Variants in DDX60 observed in about 807,000 individuals in gnomAD.
The protein encoded by DDX60 is probable ATP-dependent RNA helicase DDX60.
Under a neutral mutation model 212.8 loss-of-function variants are expected in DDX60, and 165 were observed. The observed-to-expected ratio is 0.78, with a 90% CI of 0.68 to 0.88. DDX60 has a LOEUF of 0.88. DDX60 is among the 40% of genes least tolerant of loss of function. The pLI is 0.00. For synonymous variants in DDX60, 703 were observed against 685.3 expected (o/e 1.03, Z -0.40); for missense variants, 1,905 against 2,003.9 (o/e 0.95, Z 0.94).
At chr4:168,319,995 GTGTT>G (rs1737564454), upstream of DDX60, among the ~76,000 whole-genome samples, 1 of 152,140 alleles carries the variant, frequency 6.6e-6, no homozygotes, top group Admixed American at 6.5e-5. Flanking sequence ...AGAAATTCAC[GTGTT>G]TGTTAGTGAT....
chr4:168,288,594 T>G (rs1432856043), intron 8 of DDX60, among the ~76,000 whole-genome samples: 1 of 152,224 alleles, frequency 6.6e-6, no homozygotes, highest in Non-Finnish European at 1.5e-5. Context: ...TCTCACACTG[T>G]TACCCACAGA....
chr4:168,286,947 C>A, intron 10 of DDX60, 101 bp downstream of exon 10: 1 of 838,472 alleles, frequency 1.2e-6, no homozygotes, highest in South Asian at 2.4e-5. Flanking sequence ...AATTCAAGTG[C>A]CAGAAAATTA....
intron 30 of DDX60, among the ~76,000 whole-genome samples, chr4:168,243,297 A>T (rs1733914510): frequency 6.6e-6 from 1 of 152,260 alleles, no homozygotes; most frequent in South Asian, 2.1e-4. Flanking sequence ...GAGCTTCTGC[A>T]CAGCAAAAGA....
chr4:168,302,429 G>T lies in DDX60; in HGVS notation c.607-13C>A. The T allele has an allele frequency of 8.3e-7, 1 of 1,203,936 alleles. No homozygotes were observed. The highest frequency in any genetic ancestry group is 1.9e-5 in the South Asian group (1 of 51,374). The allele number at this position is 1,203,936 out of a possible 1,614,324, so 74.6% of individuals were successfully genotyped here. A position where few individuals can be genotyped will look rare whatever the true frequency, so the allele number is the denominator to read the frequency against. On this transcript the variant is annotated splice_polypyrimidine_tract_variant and intron_variant, in intron 5 of 37. Coordinates refer to ENST00000393743, the MANE Select transcript of DDX60 (RefSeq NM_017631.6). ...TGTTCTGCTTATTCTGTAAAATAAAGAAAAATCAGAAAAGTTGTTATAAAT... is the reference window on the plus strand; with the variant it reads ...TGTTCTGCTTATTCTGTAAAATAAATAAAAATCAGAAAAGTTGTTATAAAT...
Position 168,262,763 on chromosome 4 carries a change from C to A in DDX60, c.3064G>T (p.Asp1022Tyr). The change falls in exon 23 of 38, where the codon GAT becomes TAT. Residue 1022 changes from aspartate (D) to tyrosine (Y), a missense_variant. Coordinates refer to ENST00000393743, the MANE Select transcript of DDX60 (RefSeq NM_017631.6). ...DHIERYGFPP[D>Y]LTLSPRESIQ... ...CTTTCTCGAGGTGAAAGGGTAAGAT[C>A]AGGAGGGAATCCATACCTTTCAATC... The A allele has an allele frequency of 1.2e-6, 2 of 1,610,708 alleles. No homozygotes were observed. Among genetic ancestry groups the A allele is most frequent in the South Asian group, 1.1e-5 (1 of 90,454 alleles).
chr4:168,298,090 A>G (rs1478787398), intron 6 of DDX60, among the ~76,000 whole-genome samples: 1 of 151,964 alleles, frequency 6.6e-6, no homozygotes, highest in East Asian at 1.9e-4. Context: ...TTCTTTTTAT[A>G]AAAATGGTAC....
In DDX60 at chr4:168,293,866, CA is replaced by C. The variant is rs1381957160; in HGVS notation, c.802del (p.Cys268AlafsTer5). On this transcript the variant is annotated frameshift_variant, in exon 7 of 38. Transcript: ENST00000393743. LOFTEE classifies it high-confidence loss of function. Reference protein sequence around the residue: ...DIRRVFCVTSCSLSLRMYHRF... With the variant: ...DIRRVFCVTSXSLSLRMYHRF... Reference sequence around the variant, plus strand: ...ATGGTACATTCTCAAAGATAATGAGCATGAAGTAACACAAAAGACACGCCGA... The same window carrying C: ...ATGGTACATTCTCAAAGATAATGAGCTGAAGTAACACAAAAGACACGCCGA... The C allele has an allele frequency of 5.6e-6, 9 of 1,613,690 alleles. No individual in the cohort carries two copies.
chr4:168,241,743 A>G (rs1336770998), intron 30 of DDX60, among the ~76,000 whole-genome samples: 1 of 152,170 alleles, frequency 6.6e-6, no homozygotes, highest in Non-Finnish European at 1.5e-5. Context: ...GCAGGCTGAC[A>G]ATGGGATAGA....
intron 19 of DDX60, among the ~76,000 whole-genome samples, chr4:168,270,550 G>T (rs486628): frequency 0.074 from 11,271 of 152,228 alleles, 748 homozygotes; most frequent in African/African-American, 0.16. Flanking sequence ...TATCGTCATA[G>T]CACTTCAGAG....
chr4:168,255,766 C>CA lies in DDX60; in HGVS notation c.3501dup (p.Val1168CysfsTer4). 1 of 1,605,504 alleles carries CA rather than the reference C, an allele frequency of 6.2e-7. No individual in the cohort carries two copies. ...ACTTTTCGAAGTTTGTTAGCCATGA[C>CA]ATGGGCTTCTTTATCAGCTTTGGGA... On this transcript the variant is annotated frameshift_variant, in exon 26 of 38. Coordinates refer to ENST00000393743, the MANE Select transcript of DDX60 (RefSeq NM_017631.6). LOFTEE classifies it high-confidence loss of function.
chr4:168,291,146 A>G (rs1208477848), intron 8 of DDX60, among the ~76,000 whole-genome samples: 3 of 152,252 alleles, frequency 2.0e-5, no homozygotes, highest in Non-Finnish European at 4.4e-5. Flanking sequence ...GATAACTAGT[A>G]GCCATTAAAA....
intron 35 of DDX60, among the ~76,000 whole-genome samples, chr4:168,223,319 A>G (rs1233993839): frequency 6.6e-6 from 1 of 152,094 alleles, no homozygotes; most frequent in African/African-American, 2.4e-5. Flanking sequence ...AAAATAAACA[A>G]TAAAAGCAAA....
chr4:168,228,769 T>C (rs895254594), intron 33 of DDX60, among the ~76,000 whole-genome samples: 4 of 152,206 alleles, frequency 2.6e-5, no homozygotes, highest in South Asian at 4.1e-4. Flanking sequence ...TTCCTGCATT[T>C]TCATGTTTCC....
chr4:168,221,791 T>C lies in DDX60; in HGVS notation c.4915A>G (p.Asn1639Asp). 8 of 1,613,354 alleles carry C rather than the reference T, an allele frequency of 5.0e-6. No homozygotes were observed. The highest frequency in any genetic ancestry group is 6.8e-6 in the Non-Finnish European group (8 of 1,179,548). The change falls in exon 36 of 38, where the codon AAT (asparagine) becomes GAT (aspartate). Residue 1639 changes from asparagine to aspartate, a missense_variant. Transcript: ENST00000393743. ...FDNRGRKMSL[N>D]AYALDFYKHG... ...TTGTAGAAATCCAGTGCATAGGCAT[T>C]AAGCGACATTTTCCTTCCTCGGTTA...
intron 33 of DDX60, among the ~76,000 whole-genome samples, chr4:168,227,783 AT>A (rs1197629583): frequency 1.1e-4 from 16 of 152,022 alleles, no homozygotes; most frequent in Non-Finnish European, 1.9e-4. Flanking sequence ...AATGTAAAAT[AT>A]TTTTAAATGT....
At chr4:168,229,562 G>C (rs573290568) in intron 33 of DDX60, among the ~76,000 whole-genome samples, 28 of 152,112 alleles carry the variant, frequency 1.8e-4, no homozygotes, top group African/African-American at 6.7e-4. Context: ...GCAGCAAGTG[G>C]GGAGGTGTGA....
chr4:168,253,465 C>CCTAA (rs1734294311), intron 26 of DDX60, among the ~76,000 whole-genome samples: 2 of 152,028 alleles, frequency 1.3e-5, no homozygotes, highest in Admixed American at 1.3e-4. Flanking sequence ...GGACAATTGC[C>CCTAA]CTAAACTGAC....
chr4:168,297,358 GAAAGAAAGAAAGAAAGAAAGAAAGAGAAA>G (rs1736427485), intron 6 of DDX60, among the ~76,000 whole-genome samples: 1 of 63,518 alleles, frequency 1.6e-5, no homozygotes, highest in African/African-American at 1.3e-4. Flanking sequence ...AAGAAAGAAA[GAAAGAAAGAAAGAAAGAAAGAAAGAGAAA>G]GAAAGAAAGA....
In DDX60 at chr4:168,216,876, C is replaced by G. The variant is rs1047207982; in HGVS notation, c.*57G>C. 2.1e-5 allele frequency: 23 copies of G among 1,084,728 alleles called. No individual in the cohort carries two copies. The African/African-American group carries it at 3.5e-4, about 16-fold the overall frequency. The allele number at this position is 1,084,728 out of a possible 1,614,324, so 67.2% of individuals were successfully genotyped here. On this transcript the variant is annotated 3_prime_UTR_variant, in exon 38 of 38. Transcript: ENST00000393743. ...TGGCAAGAAGCATAAGAATCAAAAA[C>G]GTGACCTGAAAAACTACTATGGAAT...
Sources: gnomAD v4.1 joint callset for allele counts (sites outside exome capture counted in the v4.1 genomes callset) on GRCh38, gnomAD v4.1.1 for gene constraint, MANE v1.5 for transcripts, NCBI Gene and HGNC (gene_info 2026-07-23, HGNC 2026-07-21) for gene names.